ZPBP: variants seen among roughly 807,000 people sequenced by gnomAD.
The protein encoded by ZPBP is zona pellucida binding protein.
ZPBP carries 26 observed loss-of-function variants against 44.8 expected under a neutral mutation model. The observed-to-expected ratio is 0.58, with a 90% CI of 0.43 to 0.81. The LOEUF (loss-of-function observed/expected upper bound fraction) is 0.81, where lower values mean the gene tolerates loss of function less well. ZPBP is among the 30% of genes least tolerant of loss of function. The pLI, the probability that ZPBP is intolerant of heterozygous loss-of-function variation, is 0.00. For synonymous variants in ZPBP, 174 were observed against 153.2 expected (o/e 1.14, Z -1.00); for missense variants, 409 against 434.0 (o/e 0.94, Z 0.51).
At chr7:49,927,057 T>C (rs1259927845) in intron 1 of ZPBP, among the ~76,000 whole-genome samples, 6 of 152,196 alleles carry the variant, frequency 3.9e-5, no homozygotes, top group African/African-American at 1.4e-4. Context: ...CACATTTTCA[T>C]AGCTGCCATA....
intron 7 of ZPBP, among the ~76,000 whole-genome samples, chr7:49,981,102 C>T (rs1352510950): frequency 6.9e-6 from 1 of 145,668 alleles, no homozygotes; most frequent in Non-Finnish European, 1.5e-5. Context: ...CAACTGTTAA[C>T]TTTGTAACTA....
At chr7:49,865,996 A>T (rs1268262336) in intron 2 of ZPBP, among the ~76,000 whole-genome samples, 1 of 152,230 alleles carries the variant, frequency 6.6e-6, no homozygotes, top group Non-Finnish European at 1.5e-5. Context: ...TTTTACAGCC[A>T]TACCTTGCTT....
chr7:49,860,407 C>T (rs1462435581), intron 2 of ZPBP, among the ~76,000 whole-genome samples: 1 of 152,322 alleles, frequency 6.6e-6, no homozygotes, highest in African/African-American at 2.4e-5. Context: ...CAAGGTTCAT[C>T]CAACTTGTAG....
intron 6 of ZPBP, among the ~76,000 whole-genome samples, chr7:50,011,700 G>C (rs890211986): frequency 7.9e-5 from 12 of 152,000 alleles, no homozygotes. Flanking sequence ...TAAGATATTA[G>C]GAAAATTCCC....
Position 49,969,844 on chromosome 7 carries a change from GAA to G in ZPBP, c.961+13496_961+13497del, listed in dbSNP as rs1383613275. 1.4e-4 allele frequency among the ~76,000 whole-genome samples: 9 copies of G among 63,014 alleles called. 1 individual carries two copies. The highest frequency in any genetic ancestry group is 0.015 in the Middle Eastern group (2 of 132). 41.3% of individuals were successfully genotyped at this position (63,014 alleles called of 152,430 possible). A position where few individuals can be genotyped will look rare whatever the true frequency, so the allele number is the denominator to read the frequency against. On this transcript the variant is annotated intron_variant, in intron 7 of 7. Transcript: ENST00000046087. ...AGAGAGAGAGAGAGAGAGAGAGAGA[GAA>G]AGAGAAAGAGAGAGAGAGACAGAGA...
intron 4 of ZPBP, among the ~76,000 whole-genome samples, chr7:50,042,242 A>G (rs1306528625): frequency 6.6e-6 from 1 of 152,212 alleles, no homozygotes; most frequent in African/African-American, 2.4e-5. Flanking sequence ...CAAGTTGGAA[A>G]ACACTCTACA....
At chr7:49,853,905 C>G (rs1183334957) in intron 2 of ZPBP, among the ~76,000 whole-genome samples, 7 of 146,826 alleles carry the variant, frequency 4.8e-5, no homozygotes, top group Non-Finnish European at 1.0e-4. Context: ...TGATGTTCCC[C>G]TTCCTGTGTC....
chr7:49,851,101 C>T (rs1401514958), intron 2 of ZPBP, among the ~76,000 whole-genome samples: 1 of 152,214 alleles, frequency 6.6e-6, no homozygotes, highest in Non-Finnish European at 1.5e-5. Flanking sequence ...TTACATGCCT[C>T]TCTCCTGGCT....
intron 2 of ZPBP, among the ~76,000 whole-genome samples, chr7:49,852,257 T>C (rs1790209622): frequency 6.6e-6 from 1 of 152,200 alleles, no homozygotes; most frequent in African/African-American, 2.4e-5. Context: ...TGAGTGACCC[T>C]GGAGCATCAG....
intron 6 of ZPBP, among the ~76,000 whole-genome samples, chr7:50,010,595 T>C (rs1395116892): frequency 6.6e-6 from 1 of 152,084 alleles, no homozygotes; most frequent in Admixed American, 6.6e-5. Flanking sequence ...ACTCAACTCC[T>C]TTTATAACAA....
intron 2 of ZPBP, among the ~76,000 whole-genome samples, chr7:49,880,071 C>T (rs1791602214): frequency 6.6e-6 from 1 of 152,174 alleles, no homozygotes; most frequent in Admixed American, 6.5e-5. Context: ...AATTTTAGTA[C>T]ATCATGATTT....
At chr7:50,035,182 A>C (rs1297498764) in intron 4 of ZPBP, among the ~76,000 whole-genome samples, 3 of 152,206 alleles carry the variant, frequency 2.0e-5, no homozygotes, top group Admixed American at 2.0e-4. Context: ...GCTCTTTGTT[A>C]AAATATTATG....
chr7:50,079,836 T>C (rs1802276276), intron 3 of ZPBP, among the ~76,000 whole-genome samples: 1 of 151,506 alleles, frequency 6.6e-6, no homozygotes, highest in African/African-American at 2.4e-5. Flanking sequence ...GCAGGAAAAG[T>C]CCCCACACCA....
chr7:50,025,365 A>G (rs974700272), intron 5 of ZPBP, among the ~76,000 whole-genome samples: 2 of 151,904 alleles, frequency 1.3e-5, no homozygotes, highest in Admixed American at 6.6e-5. Flanking sequence ...GAGGACCAAC[A>G]TTACCCAACT....
chr7:50,088,108 T>C (rs4917114), intron 2 of ZPBP, among the ~76,000 whole-genome samples: 126,024 of 151,942 alleles, frequency 0.83, 52,306 homozygotes, highest in East Asian at 0.88. Context: ...GAATTTAAAG[T>C]CCAAAAATAA....
At chr7:50,081,176 A>G (rs760736698) in intron 3 of ZPBP, among the ~76,000 whole-genome samples, 29 of 151,798 alleles carry the variant, frequency 1.9e-4, no homozygotes, top group Non-Finnish European at 3.7e-4. Context: ...TTCTATCCAC[A>G]GGCACGATCT....
chr7:49,958,045 C>A (rs529834178), intron 7 of ZPBP, among the ~76,000 whole-genome samples: 12 of 152,320 alleles, frequency 7.9e-5, no homozygotes, highest in African/African-American at 1.9e-4. Flanking sequence ...GGGTTTTGGA[C>A]TTCCTTAGGG....
Position 50,012,413 on chromosome 7 carries a change from A to G in ZPBP, c.783+5827T>C, listed in dbSNP as rs183555285. On this transcript the variant is annotated intron_variant, in intron 6 of 7. Transcript: ENST00000046087. Reference sequence around the variant, plus strand: ...TAAAAACATTTTCAGAAAATATAAGAGAAGGAAACAGTTACAAGTCATTTT... The same window carrying G: ...TAAAAACATTTTCAGAAAATATAAGGGAAGGAAACAGTTACAAGTCATTTT... Among the ~76,000 whole-genome samples the G allele has an allele frequency of 6.5e-3, 987 of 152,134 alleles. 1 individual carries two copies. Among genetic ancestry groups the G allele is most frequent in the Middle Eastern group, 0.017 (5 of 294 alleles).
At chr7:49,986,034 A>G (rs2128657) in intron 6 of ZPBP, among the ~76,000 whole-genome samples, 3,110 of 152,152 alleles carry the variant, frequency 0.02, 259 homozygotes, top group Admixed American at 0.15. Flanking sequence ...CAATGTGTCC[A>G]TGCACCTAAT....
Sources: allele counts gnomAD v4.1 joint callset (sites outside exome capture counted in the v4.1 genomes callset), GRCh38; gene constraint gnomAD v4.1.1; transcripts MANE v1.5; gene names NCBI Gene and HGNC (gene_info 2026-07-23, HGNC 2026-07-21).